SUPT3H: variants seen among roughly 807,000 people sequenced by gnomAD.
SUPT3H encodes the protein transcription initiation protein SPT3 homolog.
SUPT3H carries 44 observed loss-of-function variants against 44.3 expected under a neutral mutation model. That is an observed-to-expected ratio of 0.99 (90% CI 0.78 to 1.28). The LOEUF is 1.28. Among genes scored for constraint, SUPT3H ranks in the 50% most tolerant of loss-of-function variants. The pLI is 0.00. For synonymous variants in SUPT3H, 124 were observed against 125.6 expected, an observed-to-expected ratio of 0.99 and a Z score of 0.09; for missense variants, 380 against 387.1, an observed-to-expected ratio of 0.98 and a Z score of 0.15.
At chr6:45,345,599 C>T (rs1790692497) in intron 2 of SUPT3H, among the ~76,000 whole-genome samples, 2 of 152,142 alleles carry the variant, frequency 1.3e-5, no homozygotes, top group South Asian at 4.1e-4. Context: ...ATCCCCAAGA[C>T]CTAACAATCT....
At chr6:45,311,926 A>AC (rs1784020629) in intron 2 of SUPT3H, among the ~76,000 whole-genome samples, 1 of 152,190 alleles carries the variant, frequency 6.6e-6, no homozygotes, top group African/African-American at 2.4e-5. Context: ...CAAAAAAAAC[A>AC]AAGTATAAAG....
chr6:44,927,386 A>G (rs1241581556), intron 10 of SUPT3H, among the ~76,000 whole-genome samples: 2 of 152,136 alleles, frequency 1.3e-5, no homozygotes, highest in African/African-American at 4.8e-5. Context: ...TTCTTTCATA[A>G]TGAGTAAACT....
At chr6:45,091,461 A>T (rs966164067) in intron 3 of SUPT3H, among the ~76,000 whole-genome samples, 1 of 152,088 alleles carries the variant, frequency 6.6e-6, no homozygotes, top group African/African-American at 2.4e-5. Context: ...ATTCAGTCTG[A>T]TAAGTACCCA....
At chr6:44,859,862 ATTGT>A (rs1215736237) in intron 10 of SUPT3H, among the ~76,000 whole-genome samples, 7 of 152,304 alleles carry the variant, frequency 4.6e-5, no homozygotes, top group African/African-American at 7.2e-5. Flanking sequence ...TAATAATGTC[ATTGT>A]TTGTTATATC....
At chr6:45,122,033 A>G (rs973120403) in intron 2 of SUPT3H, among the ~76,000 whole-genome samples, 19 of 107,548 alleles carry the variant, frequency 1.8e-4, no homozygotes, top group Non-Finnish European at 2.8e-4. Context: ...TCTTTCATTT[A>G]AAAACAAAAA....
intron 2 of SUPT3H, among the ~76,000 whole-genome samples, chr6:45,191,800 C>T (rs886416563): frequency 1.3e-5 from 2 of 152,028 alleles, no homozygotes; most frequent in African/African-American, 2.4e-5. Context: ...CCAACAACAA[C>T]GTATTTATGT....
Position 45,007,075 on chromosome 6 carries a change from C to T in SUPT3H, c.365-3283G>A, listed in dbSNP as rs183836986. Reference sequence around the variant, plus strand: ...ATCTTATCTTGGTTGGGTATAAAGTCCTTGGATTGCAGTCCCTTCCTCTCA... The same window carrying T: ...ATCTTATCTTGGTTGGGTATAAAGTTCTTGGATTGCAGTCCCTTCCTCTCA... On this transcript the variant is annotated intron_variant, in intron 5 of 10. Coordinates refer to ENST00000371459, the MANE Select transcript of SUPT3H (RefSeq NM_003599.4). Among the ~76,000 whole-genome samples, 369 of 152,178 alleles carry T rather than the reference C, an allele frequency of 2.4e-3. 1 individual carries two copies. The highest frequency in any genetic ancestry group is 3.4e-3 in the Middle Eastern group (1 of 294).
At chr6:45,286,386 A>C (rs1222027619) in intron 2 of SUPT3H, among the ~76,000 whole-genome samples, 1 of 152,212 alleles carries the variant, frequency 6.6e-6, no homozygotes, top group Non-Finnish European at 1.5e-5. Flanking sequence ...CAATGAACTC[A>C]AACAAATTTA....
chr6:45,232,808 C>T (rs1482599624), intron 2 of SUPT3H, among the ~76,000 whole-genome samples: 2 of 152,172 alleles, frequency 1.3e-5, no homozygotes, highest in Admixed American at 1.3e-4. Flanking sequence ...GCCCTTCACA[C>T]ACAAACTGAA....
intron 2 of SUPT3H, among the ~76,000 whole-genome samples, chr6:45,360,824 G>C (rs984145654): frequency 6.6e-6 from 1 of 152,122 alleles, no homozygotes; most frequent in Non-Finnish European, 1.5e-5. Flanking sequence ...CCTAAACGTA[G>C]GTAGCTTATC....
intron 2 of SUPT3H, among the ~76,000 whole-genome samples, chr6:45,278,514 G>C (rs1777403903): frequency 6.6e-6 from 1 of 152,120 alleles, no homozygotes; most frequent in African/African-American, 2.4e-5. Context: ...AGCCCACTAT[G>C]ACTAAAACAA....
intron 2 of SUPT3H, among the ~76,000 whole-genome samples, chr6:45,262,187 C>T (rs1394101200): frequency 1.3e-5 from 2 of 152,118 alleles, no homozygotes; most frequent in East Asian, 1.9e-4. Flanking sequence ...TCCTATCAAA[C>T]CACCAATCTC....
chr6:45,114,026 G>A (rs1800473178), intron 2 of SUPT3H, among the ~76,000 whole-genome samples: 1 of 151,618 alleles, frequency 6.6e-6, no homozygotes, highest in Admixed American at 6.6e-5. Flanking sequence ...ATATAAATAT[G>A]TGAAGATATA....
intron 3 of SUPT3H, among the ~76,000 whole-genome samples, chr6:45,025,759 T>A (rs147932474): frequency 5.3e-5 from 8 of 151,922 alleles, no homozygotes; most frequent in African/African-American, 1.7e-4. Flanking sequence ...GGTGGGCGCC[T>A]GTAGTCTCAG....
At chr6:45,020,740 G>A in intron 3 of SUPT3H, 108 bp from the exon 4 acceptor site, 1 of 661,772 alleles carries the variant, frequency 1.5e-6, no homozygotes, top group Non-Finnish European at 2.4e-6. Context: ...AAACCTTTGG[G>A]AAATAATCCA....
At chr6:45,311,809 A>G (rs1219371401) in intron 2 of SUPT3H, among the ~76,000 whole-genome samples, 1 of 152,202 alleles carries the variant, frequency 6.6e-6, no homozygotes, top group Non-Finnish European at 1.5e-5. Flanking sequence ...TGCTAAAAGG[A>G]GCTCTAAATC....
chr6:44,957,572 T>TA (rs1775398971), intron 7 of SUPT3H, among the ~76,000 whole-genome samples: 1 of 152,134 alleles, frequency 6.6e-6, no homozygotes, highest in South Asian at 2.1e-4. Flanking sequence ...GACTGTGCTC[T>TA]AAACAGTTGA....
intron 5 of SUPT3H, among the ~76,000 whole-genome samples, chr6:45,010,121 A>C (rs911936435): frequency 6.6e-6 from 1 of 151,712 alleles, no homozygotes; most frequent in Non-Finnish European, 1.5e-5. Flanking sequence ...TGTTTTCTTA[A>C]TTTCATTTTT....
chr6:45,165,231 C>T (rs1809650131), intron 2 of SUPT3H, among the ~76,000 whole-genome samples: 1 of 152,148 alleles, frequency 6.6e-6, no homozygotes, highest in East Asian at 1.9e-4. Flanking sequence ...GAAAAACCAC[C>T]AGTACCAGAG....
Sources: gnomAD v4.1 joint callset for allele counts (sites outside exome capture counted in the v4.1 genomes callset) on GRCh38, gnomAD v4.1.1 for gene constraint, MANE v1.5 for transcripts, NCBI Gene and HGNC (gene_info 2026-07-23, HGNC 2026-07-21) for gene names.